The following EMC2 variants were observed in gnomAD, a reference collection of about 807,000 sequenced individuals.
EMC2 encodes the protein TPR repeat protein 35.
Under a neutral mutation model 51.6 loss-of-function variants are expected in EMC2, and 37 were observed. The ratio of observed to expected loss-of-function variants is 0.72; its 90% CI spans 0.55 to 0.94. The LOEUF is 0.94. Ranked by LOEUF, EMC2 falls within the 40% of genes least tolerant of loss-of-function variation. The probability of loss-of-function intolerance (pLI) is 0.00; values close to 1 mark genes in which losing one functional copy is unlikely to be tolerated. For missense variants in EMC2, 359 were observed against 350.9 expected (o/e 1.02, Z -0.18); for synonymous variants, 131 against 112.4 (o/e 1.17, Z -1.04).
rs1400944878 is a variant in EMC2 at position 108,476,796 on chromosome 8, A to C, written c.606A>C (p.Gln202His). 1 of 1,571,330 alleles carries C rather than the reference A, an allele frequency of 6.4e-7. No individual in the cohort carries two copies. The highest frequency in any genetic ancestry group is 8.8e-7 in the Non-Finnish European group (1 of 1,141,870). The change falls in exon 9 of 11, where the codon CAA (glutamine) becomes CAC (histidine). Residue 202 changes from glutamine (Q) to histidine (H), a missense_variant. By Grantham distance (24) the Gln-to-His change is conservative (BLOSUM62 0). Transcript: ENST00000220853. ...ATTTTTAACAGGTTAAGTATACCCA[A>C]GGTGGACTTGAAAACCTCGAACTTT... Reference protein sequence around the residue: ...CQQYAEVKYTQGGLENLELSR... With the variant: ...CQQYAEVKYTHGGLENLELSR...
chr8:108,476,561 A>C (rs1810950521), intron 8 of EMC2, among the ~76,000 whole-genome samples: 1 of 152,044 alleles, frequency 6.6e-6, no homozygotes, highest in African/African-American at 2.4e-5. Context: ...GAAACTACTC[A>C]GTCATCTCAA....
chr8:108,453,805 C>G (rs1819089348), intron 4 of EMC2, among the ~76,000 whole-genome samples: 1 of 152,070 alleles, frequency 6.6e-6, no homozygotes, highest in Admixed American at 6.6e-5. Context: ...TAATTATTAA[C>G]AAAGGAGTAT....
rs1313343149 is a variant in EMC2 at position 108,456,337 on chromosome 8, AAAAAAAAAAAG to A, written c.363+418_363+428del. On this transcript the variant is annotated intron_variant, in intron 5 of 10. Coordinates refer to ENST00000220853, the MANE Select transcript of EMC2 (RefSeq NM_014673.5). The stretch of plus-strand genomic sequence containing the variant: ...GACAGAGCAAGACTTCGTGTCAAAA[AAAAAAAAAAAG>A]AAAAAAAAAAAAACAACTTCTAGAA... 7.0e-5 allele frequency among the ~76,000 whole-genome samples: 10 copies of A among 143,638 alleles called. No individual in the cohort carries two copies. The South Asian group carries it at 1.2e-3, about 17-fold the overall frequency. The allele number at this position is 143,638 out of a possible 152,430, so 94.2% of individuals were successfully genotyped here.
chr8:108,471,692 AGT>A (rs1810859789), intron 7 of EMC2, among the ~76,000 whole-genome samples: 1 of 151,898 alleles, frequency 6.6e-6, no homozygotes, highest in Non-Finnish European at 1.5e-5. Flanking sequence ...AATTTACCCT[AGT>A]ATTTTTAACG....
chr8:108,480,377 A>T (rs571119624), intron 10 of EMC2, among the ~76,000 whole-genome samples: 14 of 152,104 alleles, frequency 9.2e-5, no homozygotes, highest in Non-Finnish European at 1.8e-4. Flanking sequence ...GAGATAGGTT[A>T]GGGTAGCTTT....
chr8:108,451,876 C>G (rs1819032401), intron 3 of EMC2, among the ~76,000 whole-genome samples: 2 of 152,098 alleles, frequency 1.3e-5, no homozygotes, highest in African/African-American at 4.8e-5. Flanking sequence ...TGCTTGATAT[C>G]AAAGAAATAA....
chr8:108,482,345 T>C (rs768272190), intron 10 of EMC2, among the ~76,000 whole-genome samples: 2 of 152,342 alleles, frequency 1.3e-5, no homozygotes, highest in South Asian at 2.1e-4. Context: ...TTTAGTTATA[T>C]GTATAAGCAA....
intron 5 of EMC2, among the ~76,000 whole-genome samples, chr8:108,463,357 T>C (rs1352412719): frequency 1.3e-5 from 2 of 152,328 alleles, no homozygotes; most frequent in Middle Eastern, 3.4e-3. Flanking sequence ...TCAGCCTTTA[T>C]TTTTTATGTT....
intron 5 of EMC2, among the ~76,000 whole-genome samples, chr8:108,462,015 G>T (rs965296350): frequency 6.6e-6 from 1 of 152,084 alleles, no homozygotes; most frequent in Non-Finnish European, 1.5e-5. Flanking sequence ...CACCATGTTG[G>T]CCAGGATGGT....
intron 1 of EMC2, among the ~76,000 whole-genome samples, chr8:108,446,505 G>A (rs970125937): frequency 2.0e-5 from 3 of 151,536 alleles, no homozygotes; most frequent in Admixed American, 6.6e-5. Context: ...GAAATACTTC[G>A]AAATACTTCA....
At chr8:108,468,557 T>C (rs1305897027) in intron 5 of EMC2, among the ~76,000 whole-genome samples, 1 of 152,156 alleles carries the variant, frequency 6.6e-6, no homozygotes, top group Non-Finnish European at 1.5e-5. Flanking sequence ...CTGACCCTTA[T>C]TTATTAGTCT....
chr8:108,446,407 G>A (rs1038874175), intron 1 of EMC2: 18 of 299,580 alleles, frequency 6.0e-5, no homozygotes, highest in African/African-American at 3.7e-4. Flanking sequence ...GATCAGTTTG[G>A]AAGCTATCCT....
chr8:108,476,450 A>G (rs184441173), intron 8 of EMC2, among the ~76,000 whole-genome samples: 10 of 152,096 alleles, frequency 6.6e-5, no homozygotes, highest in Admixed American at 5.2e-4. Flanking sequence ...GTCCACATTT[A>G]TAATGCCAGT....
rs1207634797 is a variant in EMC2, at chr8:108,488,825, C to G, written c.*2227C>G. Among the ~76,000 whole-genome samples, 1 of 152,120 alleles carries G rather than the reference C, an allele frequency of 6.6e-6. No homozygotes were observed. Among genetic ancestry groups the G allele is most frequent in the African/African-American group, 2.4e-5 (1 of 41,416 alleles). ...CCATTCTGTCTCTCTATTGTGGTAG[C>G]TACTAACCATATGTGATATTGAGTA... On this transcript the variant is annotated 3_prime_UTR_variant, in exon 11 of 11. Coordinates refer to ENST00000220853, the MANE Select transcript of EMC2 (RefSeq NM_014673.5).
intron 5 of EMC2, among the ~76,000 whole-genome samples, chr8:108,458,671 T>C (rs577446653): frequency 1.3e-5 from 2 of 152,228 alleles, no homozygotes; most frequent in African/African-American, 4.8e-5. Context: ...GCACGGGACC[T>C]TGGGCCTGGC....
At chr8:108,461,185 T>G (rs1174300118) in intron 5 of EMC2, among the ~76,000 whole-genome samples, 1 of 152,262 alleles carries the variant, frequency 6.6e-6, no homozygotes, top group Non-Finnish European at 1.5e-5. Context: ...CCCTGCATTG[T>G]TGAAAAGTGA....
chr8:108,470,022 A>G, intron 6 of EMC2, 40 bp from the exon 7 acceptor site: 1 of 1,580,054 alleles, frequency 6.3e-7, no homozygotes, highest in Non-Finnish European at 8.7e-7. Flanking sequence ...CATTTACAGA[A>G]TATCTACACA....
chr8:108,483,372 C>T (rs965168501), intron 10 of EMC2, among the ~76,000 whole-genome samples: 42 of 152,176 alleles, frequency 2.8e-4, no homozygotes, highest in African/African-American at 9.7e-4. Flanking sequence ...AACTTTCCTT[C>T]TGCCATTTTG....
chr8:108,459,721 A>AGAGAGAGTGTGT (rs763020311), intron 5 of EMC2, among the ~76,000 whole-genome samples: 1,445 of 136,926 alleles, frequency 0.011, 31 homozygotes, highest in African/African-American at 0.033. Context: ...AGAGAGAGAG[A>AGAGAGAGTGTGT]GTGTGTGTGT....
Sources: allele counts gnomAD v4.1 joint callset (sites outside exome capture counted in the v4.1 genomes callset), GRCh38; gene constraint gnomAD v4.1.1; transcripts MANE v1.5; gene names NCBI Gene and HGNC (gene_info 2026-07-23, HGNC 2026-07-21).